PRTG: variants seen among roughly 807,000 people sequenced by gnomAD.
PRTG encodes protogenin.
PRTG carries 67 observed loss-of-function variants against 122.5 expected under a neutral mutation model. The ratio of observed to expected loss-of-function variants is 0.55; its 90% CI spans 0.45 to 0.67. The LOEUF is 0.67. Among genes scored for constraint, PRTG ranks in the 30% least tolerant of loss-of-function variants. The pLI is 0.00. For missense variants in PRTG, 1,435 were observed against 1,415.4 expected (o/e 1.01, Z -0.22); for synonymous variants, 554 against 501.1 (o/e 1.11, Z -1.41).
intron 2 of PRTG, among the ~76,000 whole-genome samples, chr15:55,735,837 C>G (rs184295235): frequency 7.4e-4 from 113 of 151,856 alleles, no homozygotes; most frequent in Non-Finnish European, 1.4e-3. Flanking sequence ...AAAACTGGTT[C>G]CATTACCCAG....
chr15:55,728,380 G>T (rs1394478908), intron 2 of PRTG, among the ~76,000 whole-genome samples: 1 of 152,014 alleles, frequency 6.6e-6, no homozygotes, highest in Non-Finnish European at 1.5e-5. Flanking sequence ...AGCAAACCAA[G>T]TCCAAAAACA....
intron 2 of PRTG, among the ~76,000 whole-genome samples, chr15:55,736,884 C>T (rs2031428940): frequency 6.6e-6 from 1 of 152,180 alleles, no homozygotes; most frequent in Non-Finnish European, 1.5e-5. Context: ...CAATCACTAG[C>T]TTACAGCCAG....
At chr15:55,672,410 G>T (rs1255773111) in intron 11 of PRTG, 35 bp downstream of exon 11, 4 of 1,540,252 alleles carry the variant, frequency 2.6e-6, no homozygotes, top group Non-Finnish European at 3.5e-6. Context: ...CAGAGAGGAA[G>T]GAAAAAGGGA....
intron 18 of PRTG, among the ~76,000 whole-genome samples, chr15:55,621,043 G>T (rs2141706805): frequency 6.6e-6 from 1 of 152,220 alleles, no homozygotes; most frequent in Non-Finnish European, 1.5e-5. Flanking sequence ...TCATAGATGT[G>T]ATCATTTCTT....
At chr15:55,672,664 A>G (rs1482886345) in intron 10 of PRTG, 31 bp from the exon 11 acceptor site, 4 of 1,543,476 alleles carry the variant, frequency 2.6e-6, no homozygotes, top group Admixed American at 1.9e-5. Context: ...ATGTATGTAT[A>G]AACAACCCAA....
chr15:55,649,778 C>T (rs1014212086), intron 11 of PRTG, among the ~76,000 whole-genome samples: 11 of 150,526 alleles, frequency 7.3e-5, no homozygotes, highest in African/African-American at 1.5e-4. Flanking sequence ...GGAGACAGAG[C>T]GAGACTCAGT....
chr15:55,712,235 T>C (rs527633863), intron 2 of PRTG, among the ~76,000 whole-genome samples: 11 of 152,240 alleles, frequency 7.2e-5, no homozygotes, highest in Non-Finnish European at 1.3e-4. Flanking sequence ...AGAGGGTTAA[T>C]GAATCAATTG....
chr15:55,743,063 C>T lies in PRTG; in HGVS notation c.-132G>A, dbSNP rs2031672728. ...CTCCCCGCTCCGGCTCCGGCACCGG[C>T]GTGGCGAGCGTCTCTGCGGCGGCGA... On this transcript the variant is annotated 5_prime_UTR_variant, in exon 1 of 20. Coordinates refer to ENST00000389286, the MANE Select transcript of PRTG (RefSeq NM_173814.6). 1 of 1,300,326 alleles carries T rather than the reference C, an allele frequency of 7.7e-7. No homozygotes were observed. Among genetic ancestry groups the T allele is most frequent in the Non-Finnish European group, 9.7e-7 (1 of 1,029,090 alleles). 80.5% of individuals were successfully genotyped at this position (1,300,326 alleles called of 1,614,324 possible).
chr15:55,709,507 A>C lies in PRTG; in HGVS notation c.398-25576T>G, dbSNP rs76813422. Reference sequence around the variant, plus strand: ...TAGTTAAATATATATTTATTATCCAAACCAGGCATTTCAACTCTTAGGTAT... The same window carrying C: ...TAGTTAAATATATATTTATTATCCACACCAGGCATTTCAACTCTTAGGTAT... On this transcript the variant is annotated intron_variant, in intron 2 of 19. Coordinates refer to ENST00000389286, the MANE Select transcript of PRTG (RefSeq NM_173814.6). Among the ~76,000 whole-genome samples the C allele has an allele frequency of 5.7e-3, 872 of 151,974 alleles. 28 individuals carry two copies. The East Asian group carries it at 0.074, about 13-fold the overall frequency.
At chr15:55,632,195 C>G (rs1238940420) in intron 15 of PRTG, among the ~76,000 whole-genome samples, 2 of 152,218 alleles carry the variant, frequency 1.3e-5, no homozygotes, top group East Asian at 3.9e-4. Context: ...AAATTTCACA[C>G]TTTCAAAACC....
intron 12 of PRTG, among the ~76,000 whole-genome samples, chr15:55,640,331 AT>A (rs2059282654): frequency 6.6e-6 from 1 of 152,186 alleles, no homozygotes; most frequent in South Asian, 2.1e-4. Flanking sequence ...GGTGATAGGA[AT>A]TTTTCACCTC....
chr15:55,674,067 A>G (rs998211348), intron 9 of PRTG, among the ~76,000 whole-genome samples: 15 of 152,364 alleles, frequency 9.8e-5, no homozygotes, highest in African/African-American at 3.6e-4. Flanking sequence ...AACCAAGCAA[A>G]TAATATTTTG....
rs1231231781 is a variant in PRTG, at chr15:55,637,255, T to A, written c.2538A>T (p.Pro846=). The change falls in exon 15 of 20, where the codon CCA becomes CCT. Residue 846 remains proline (P), a synonymous_variant. Coordinates refer to ENST00000389286, the MANE Select transcript of PRTG (RefSeq NM_173814.6). ...ALVSWKPPDG[P]ETVVTRYTIL... Reference sequence around the variant, plus strand: ...TAGTATAGCGGGTCACAACTGTTTCTGGGCCATCAGGGGGTTTCCAAGAAA... The same window carrying A: ...TAGTATAGCGGGTCACAACTGTTTCAGGGCCATCAGGGGGTTTCCAAGAAA... The A allele has an allele frequency of 6.2e-6, 10 of 1,614,124 alleles. No individual in the cohort carries two copies. The highest frequency in any genetic ancestry group is 4.5e-5 in the East Asian group (2 of 44,878).
chr15:55,674,762 G>A (rs2059492746), intron 9 of PRTG, among the ~76,000 whole-genome samples: 1 of 152,076 alleles, frequency 6.6e-6, no homozygotes, highest in African/African-American at 2.4e-5. Context: ...CATTGCTTGA[G>A]GATAAAACAT....
chr15:55,622,466 C>T (rs1319094033), intron 18 of PRTG, among the ~76,000 whole-genome samples: 3 of 151,338 alleles, frequency 2.0e-5, no homozygotes, highest in Admixed American at 1.3e-4. Context: ...TCACTGCAAG[C>T]TCTGCCTCCC....
chr15:55,679,238 A>G (rs2059522655), intron 7 of PRTG, 48 bp downstream of exon 7: 1 of 1,254,958 alleles, frequency 8.0e-7, no homozygotes, highest in African/African-American at 1.5e-5. Flanking sequence ...AAAAATTACT[A>G]AAGCCATTAT....
Position 55,612,362 on chromosome 15 carries a change from A to G in PRTG, c.*7650T>C, listed in dbSNP as rs559629682. 1 of 151,960 alleles carries G rather than the reference A, an allele frequency of 6.6e-6. No individual in the cohort carries two copies. Among genetic ancestry groups the G allele is most frequent in the Non-Finnish European group, 1.5e-5 (1 of 67,928 alleles). 9.4% of individuals were successfully genotyped at this position (151,960 alleles called of 1,614,324 possible). On this transcript the variant is annotated 3_prime_UTR_variant, in exon 20 of 20. Coordinates refer to ENST00000389286, the MANE Select transcript of PRTG (RefSeq NM_173814.6). ...GTCAAGACTATGTCTATATACCATG[A>G]ACTACTTACAAGCTATGAACTTAAG...
chr15:55,663,929 A>T (rs1390114385), intron 11 of PRTG, among the ~76,000 whole-genome samples: 1 of 152,170 alleles, frequency 6.6e-6, no homozygotes, highest in African/African-American at 2.4e-5. Context: ...CAGCATAATG[A>T]CATTGATATT....
In PRTG at chr15:55,620,149, C is replaced by T; in HGVS notation, c.3316G>A (p.Gly1106Ser). ...GQTTSFSRPFGVAADTEHSAN... is the reference protein window; with the variant it reads ...GQTTSFSRPFSVAADTEHSAN... Reference sequence around the variant, plus strand: ...GAATGTTCTGTATCAGCTGCAACACCAAAGGGTCTTGAGAAGCTGGTTGTC... The same window carrying T: ...GAATGTTCTGTATCAGCTGCAACACTAAAGGGTCTTGAGAAGCTGGTTGTC... The change falls in exon 20 of 20, where the codon GGT (glycine) becomes AGT (serine). Residue 1106 changes from glycine to serine, a missense_variant. By Grantham distance (56) the Gly-to-Ser change is moderately conservative (BLOSUM62 0). Coordinates refer to ENST00000389286, the MANE Select transcript of PRTG (RefSeq NM_173814.6). 1 of 1,614,166 alleles carries T rather than the reference C, an allele frequency of 6.2e-7. No individual in the cohort carries two copies. The highest frequency in any genetic ancestry group is 8.5e-7 in the Non-Finnish European group (1 of 1,180,036).
Sources: gnomAD v4.1 joint callset for allele counts (sites outside exome capture counted in the v4.1 genomes callset) on GRCh38, gnomAD v4.1.1 for gene constraint, MANE v1.5 for transcripts, NCBI Gene and HGNC (gene_info 2026-07-23, HGNC 2026-07-21) for gene names.